The following FMN1 variants were observed in gnomAD, a reference collection of about 807,000 sequenced individuals.
FMN1 encodes the protein formin 1.
Under a neutral mutation model 132.4 loss-of-function variants are expected in FMN1, and 110 were observed. The ratio of observed to expected loss-of-function variants is 0.83; its 90% CI spans 0.71 to 0.97. The LOEUF is 0.97. FMN1 is among the 50% of genes least tolerant of loss of function. The probability of loss-of-function intolerance (pLI) is 0.00; values close to 1 mark genes in which losing one functional copy is unlikely to be tolerated. For missense variants in FMN1, 1,792 were observed against 1,705.3 expected, an observed-to-expected ratio of 1.05 and a Z score of -0.90; for synonymous variants, 722 against 651.7, an observed-to-expected ratio of 1.11 and a Z score of -1.64.
intron 20 of FMN1, among the ~76,000 whole-genome samples, chr15:32,776,342 A>C (rs1286298047): frequency 3.3e-5 from 5 of 152,196 alleles, no homozygotes; most frequent in Non-Finnish European, 5.9e-5. Flanking sequence ...GCTGGTTTCC[A>C]GCATAGGGAG....
chr15:32,949,682 A>G (rs1241154844), intron 9 of FMN1, among the ~76,000 whole-genome samples: 1 of 151,920 alleles, frequency 6.6e-6, no homozygotes, highest in Non-Finnish European at 1.5e-5. Context: ...AAGCAATTAC[A>G]ACAAAAGCAA....
chr15:33,108,875 T>C (rs1030264265), intron 4 of FMN1, among the ~76,000 whole-genome samples: 6 of 152,136 alleles, frequency 3.9e-5, no homozygotes, highest in Non-Finnish European at 7.4e-5. Context: ...TTGTTGTCTT[T>C]GGCCTCTGTC....
intron 6 of FMN1, among the ~76,000 whole-genome samples, chr15:33,028,752 G>C (rs1306347291): frequency 1.3e-5 from 2 of 152,190 alleles, no homozygotes; most frequent in Middle Eastern, 3.4e-3. Context: ...CTCTGGGGTA[G>C]AACCTGGTCA....
chr15:33,075,051 C>T (rs1476385396), intron 5 of FMN1, among the ~76,000 whole-genome samples: 1 of 85,572 alleles, frequency 1.2e-5, no homozygotes, highest in Non-Finnish European at 2.6e-5. Context: ...AAAAAAAGAA[C>T]AGACCTTGAG....
chr15:32,838,814 G>A (rs2058683132), intron 17 of FMN1, among the ~76,000 whole-genome samples: 3 of 152,170 alleles, frequency 2.0e-5, no homozygotes, highest in Admixed American at 6.5e-5. Context: ...TTGCCAGAAC[G>A]CTTGAACAAT....
rs574914399 is a variant in FMN1, at chr15:32,810,261, C to G, written c.3929-5929G>C. ...ATGGAAAAGTACACAACAGAAGAACCCATGTTAGCAGAACACAGTCCCTAC... is the reference window on the plus strand; with the variant it reads ...ATGGAAAAGTACACAACAGAAGAACGCATGTTAGCAGAACACAGTCCCTAC... On this transcript the variant is annotated intron_variant, in intron 17 of 20. Transcript: ENST00000616417. Among the ~76,000 whole-genome samples the G allele has an allele frequency of 4.6e-5, 7 of 152,266 alleles. No homozygotes were observed. In the South Asian group the frequency reaches 1.5e-3, roughly 32 times the overall value.
At chr15:32,918,288 A>G (rs1180966918) in intron 10 of FMN1, among the ~76,000 whole-genome samples, 1 of 152,172 alleles carries the variant, frequency 6.6e-6, no homozygotes, top group Admixed American at 6.5e-5. Context: ...AACACAAACA[A>G]AAGTTGCATC....
chr15:32,816,679 TA>T (rs1264328952), intron 17 of FMN1, among the ~76,000 whole-genome samples: 2 of 148,864 alleles, frequency 1.3e-5, no homozygotes, highest in Non-Finnish European at 3.0e-5. Flanking sequence ...TGATTCTTTA[TA>T]GGTTCCTGCT....
chr15:33,048,644 A>AACAAAAAAAAAAACAAAAACAAAAAC (rs1555388955), intron 6 of FMN1, among the ~76,000 whole-genome samples: 3 of 86,882 alleles, frequency 3.5e-5, no homozygotes, highest in Non-Finnish European at 2.4e-5. Context: ...AAAAAAAAAA[A>AACAAAAAAAAAAACAAAAACAAAAAC]AAAAACCAAC....
At position 33,048,638 on chromosome 15, in the gene FMN1, A is replaced by AAAAAAAAACAAAAAAAAAAC. The variant is rs1555388915; in HGVS notation, c.2161+16318_2161+16319insGTTTTTTTTTTGTTTTTTTT. 5.0e-3 allele frequency among the ~76,000 whole-genome samples: 108 copies of AAAAAAAAACAAAAAAAAAAC among 21,528 alleles called. 9 individuals are homozygous for AAAAAAAAACAAAAAAAAAAC. The highest frequency in any genetic ancestry group is 0.012 in the Non-Finnish European group (79 of 6,694). 14.1% of individuals were successfully genotyped at this position (21,528 alleles called of 152,430 possible). ...CGAGACTGGGCAATTTACCAAAAAAAAAAAAAAAAAACCAACAGTTTAATG... is the reference window on the plus strand; with the variant it reads ...CGAGACTGGGCAATTTACCAAAAAAAAAAAAAAACAAAAAAAAAACAAAAAAAAAAACCAACAGTTTAATG... On this transcript the variant is annotated intron_variant, in intron 6 of 20. Transcript: ENST00000616417.
At chr15:32,795,711 C>T (rs1225473346) in intron 19 of FMN1, among the ~76,000 whole-genome samples, 1 of 152,100 alleles carries the variant, frequency 6.6e-6, no homozygotes, top group Non-Finnish European at 1.5e-5. Context: ...GACTGGGATG[C>T]TTCACTGAAA....
chr15:33,123,870 A>AG (rs1346660332), intron 4 of FMN1, among the ~76,000 whole-genome samples: 4 of 152,374 alleles, frequency 2.6e-5, no homozygotes, highest in Non-Finnish European at 5.9e-5. Flanking sequence ...CCAGGATTAC[A>AG]GGCATGGAGC....
At chr15:32,992,844 A>G (rs755655070) in intron 7 of FMN1, among the ~76,000 whole-genome samples, 1 of 152,220 alleles carries the variant, frequency 6.6e-6, no homozygotes, top group Non-Finnish European at 1.5e-5. Context: ...TTTACGGAGT[A>G]AAATATCAGT....
At chr15:32,977,309 T>C (rs2032289281) in intron 7 of FMN1, among the ~76,000 whole-genome samples, 1 of 152,132 alleles carries the variant, frequency 6.6e-6, no homozygotes, top group Non-Finnish European at 1.5e-5. Flanking sequence ...TGATTAATAA[T>C]CCTTCCCATG....
chr15:32,973,825 A>T (rs1405345142), intron 7 of FMN1, among the ~76,000 whole-genome samples: 1 of 152,204 alleles, frequency 6.6e-6, no homozygotes, highest in African/African-American at 2.4e-5. Flanking sequence ...TGGGAAAGCT[A>T]ATCTTTAAAC....
chr15:32,981,823 C>A lies in FMN1; in HGVS notation c.2224-12346G>T, dbSNP rs1302148100. 2.0e-5 allele frequency among the ~76,000 whole-genome samples: 3 copies of A among 152,116 alleles called. No individual in the cohort carries two copies. The East Asian group carries it at 5.8e-4, about 29-fold the overall frequency. ...ACATATCAAAACACAATATTGCACA[C>A]AATGAACATATACAATTGTTGTCAA... On this transcript the variant is annotated intron_variant, in intron 7 of 20. Coordinates refer to ENST00000616417, the MANE Select transcript of FMN1 (RefSeq NM_001277313.2).
In FMN1 at chr15:33,068,013, C is replaced by T. The variant is rs564607191; in HGVS notation, c.2044-2939G>A. On this transcript the variant is annotated intron_variant, in intron 5 of 20. Transcript: ENST00000616417. ...AGGACCCGGGAGTCAGGCTGTCAGCCGCACAGCAAACACACTTGGTCTCTT... is the reference window on the plus strand; with the variant it reads ...AGGACCCGGGAGTCAGGCTGTCAGCTGCACAGCAAACACACTTGGTCTCTT... 24 of 1,450,664 alleles carry T rather than the reference C, an allele frequency of 1.7e-5. No homozygotes were observed. In the African/African-American group the frequency reaches 1.7e-4, roughly 10 times the overall value. The allele number at this position is 1,450,664 out of a possible 1,614,324, so 89.9% of individuals were successfully genotyped here. A position where few individuals can be genotyped will look rare whatever the true frequency, so the allele number is the denominator to read the frequency against.
At chr15:32,878,144 A>C (rs984026673) in intron 16 of FMN1, among the ~76,000 whole-genome samples, 1 of 152,226 alleles carries the variant, frequency 6.6e-6, no homozygotes, top group Non-Finnish European at 1.5e-5. Flanking sequence ...TATCTGGCAG[A>C]AGGGCTTTCT....
intron 4 of FMN1, among the ~76,000 whole-genome samples, chr15:33,099,681 A>G (rs2039220358): frequency 1.3e-5 from 2 of 152,190 alleles, no homozygotes; most frequent in Non-Finnish European, 2.9e-5. Context: ...CTGTGTTGAT[A>G]TATTTGGTAG....
Sources: gnomAD v4.1 joint callset for allele counts (sites outside exome capture counted in the v4.1 genomes callset) on GRCh38, gnomAD v4.1.1 for gene constraint, MANE v1.5 for transcripts, NCBI Gene and HGNC (gene_info 2026-07-23, HGNC 2026-07-21) for gene names.